Variants in ETNK1 observed in about 807,000 individuals in gnomAD.
ETNK1 encodes the protein ethanolamine kinase 1, also known as putative protein product of Nbla10396.
A neutral mutation model predicts 45.1 loss-of-function variants in ETNK1; 8 were observed. That is an observed-to-expected ratio of 0.18 (90% CI 0.10 to 0.32). The LOEUF (loss-of-function observed/expected upper bound fraction) is 0.32, where lower values mean the gene tolerates loss of function less well. Among genes scored for constraint, ETNK1 ranks in the 10% least tolerant of loss-of-function variants. ETNK1 has a pLI of 1.00. For missense variants in ETNK1, 302 were observed against 430.6 expected, an observed-to-expected ratio of 0.70 and a Z score of 2.64; for synonymous variants, 152 against 151.9, an observed-to-expected ratio of 1.00 and a Z score of -0.01.
chr12:22,642,265 A>G (rs1953749523), intron 1 of ETNK1, among the ~76,000 whole-genome samples: 1 of 152,078 alleles, frequency 6.6e-6, no homozygotes, highest in Non-Finnish European at 1.5e-5. Flanking sequence ...AAGTTACAGA[A>G]CAGCATGTGT....
intron 1 of ETNK1, among the ~76,000 whole-genome samples, chr12:22,639,949 A>C (rs975835972): frequency 6.6e-6 from 1 of 152,108 alleles, no homozygotes; most frequent in Admixed American, 6.6e-5. Flanking sequence ...CATTAATTAG[A>C]TCGGTTTGGA....
chr12:22,659,304 T>A, intron 3 of ETNK1, 150 bp downstream of exon 3: 1 of 829,964 alleles, frequency 1.2e-6, no homozygotes, highest in Non-Finnish European at 1.8e-6. Context: ...GGCTGTCAGA[T>A]AGCACTACAG....
At chr12:22,636,267 A>G (rs1168852028) in intron 1 of ETNK1, among the ~76,000 whole-genome samples, 2 of 152,202 alleles carry the variant, frequency 1.3e-5, no homozygotes, top group Non-Finnish European at 1.5e-5. Context: ...TTACTACATA[A>G]TGATTTTTCT....
intron 6 of ETNK1, among the ~76,000 whole-genome samples, chr12:22,679,000 C>G (rs775262587): frequency 9.2e-5 from 14 of 152,258 alleles, no homozygotes; most frequent in Middle Eastern, 3.4e-3. Context: ...AGGAGTTCAC[C>G]CCAAGTACTC....
intron 4 of ETNK1, 159 bp downstream of exon 4, chr12:22,661,364 T>G (rs1953997860): frequency 2.4e-6 from 1 of 420,406 alleles, no homozygotes; most frequent in South Asian, 8.6e-5. Context: ...ATGGTAACTG[T>G]GAAATTTAGG....
intron 1 of ETNK1, among the ~76,000 whole-genome samples, chr12:22,633,643 G>A (rs1014930066): frequency 3.3e-5 from 5 of 152,196 alleles, no homozygotes; most frequent in African/African-American, 7.2e-5. Context: ...TTGGGGAGAA[G>A]TGAATTCTTT....
chr12:22,633,720 A>G (rs1490828457), intron 1 of ETNK1, among the ~76,000 whole-genome samples: 1 of 152,036 alleles, frequency 6.6e-6, no homozygotes, highest in East Asian at 1.9e-4. Flanking sequence ...CACTGTGGAG[A>G]TCTCACGTGT....
In ETNK1 at chr12:22,673,866, C is replaced by T. The variant is rs374960062; in HGVS notation, c.945+206C>T. Among the ~76,000 whole-genome samples, 35 of 152,294 alleles carry T rather than the reference C, an allele frequency of 2.3e-4. No individual in the cohort carries two copies. The East Asian group carries it at 6.4e-3, about 28-fold the overall frequency. ...TTTGTTTCATTTCCTGCTATATCCC[C>T]ATCCCCTAGAACAATGCCTGGCCAT... On this transcript the variant is annotated intron_variant, in intron 6 of 7. Transcript: ENST00000266517.
chr12:22,682,140 T>C (rs986426777), intron 6 of ETNK1: 3 of 189,970 alleles, frequency 1.6e-5, no homozygotes, highest in African/African-American at 7.1e-5. Context: ...TTCCAAATGT[T>C]GACACATCTC....
At chr12:22,637,517 G>A (rs1953670974) in intron 1 of ETNK1, among the ~76,000 whole-genome samples, 1 of 152,190 alleles carries the variant, frequency 6.6e-6, no homozygotes. Context: ...AGGGCAAGAT[G>A]GTGGTAGTGT....
intron 2 of ETNK1, among the ~76,000 whole-genome samples, chr12:22,648,240 T>C (rs1953831784): frequency 6.6e-6 from 1 of 151,894 alleles, no homozygotes; most frequent in Admixed American, 6.6e-5. Flanking sequence ...GTCCACAGTT[T>C]ACATTAGCGT....
At position 22,625,520 on chromosome 12, in the gene ETNK1, G is replaced by T; in HGVS notation, c.90G>T (p.Arg30=). ...TVQDQEEHRC[R]EGALSLLQHL... ...AGGATCAGGAGGAGCATCGCTGCCG[G>T]GAGGGGGCCCTGAGCCTCCTGCAAC... The change falls in exon 1 of 8, where the codon CGG becomes CGT. Residue 30 remains arginine, a synonymous_variant. Coordinates refer to ENST00000266517, the MANE Select transcript of ETNK1 (RefSeq NM_018638.5). 6.2e-7 allele frequency: 1 copy of T among 1,606,620 alleles called. No homozygotes were observed. The highest frequency in any genetic ancestry group is 1.1e-5 in the South Asian group (1 of 89,932).
chr12:22,680,572 T>C (rs1954204584), intron 6 of ETNK1, among the ~76,000 whole-genome samples: 1 of 152,202 alleles, frequency 6.6e-6, no homozygotes, highest in African/African-American at 2.4e-5. Flanking sequence ...CTGGAATGCC[T>C]TTTACCCTGC....
intron 1 of ETNK1, among the ~76,000 whole-genome samples, chr12:22,630,519 A>G (rs1159621691): frequency 6.6e-6 from 1 of 152,202 alleles, no homozygotes; most frequent in Non-Finnish European, 1.5e-5. Flanking sequence ...AAACTATCTC[A>G]CAAAGGCAAT....
intron 4 of ETNK1, among the ~76,000 whole-genome samples, chr12:22,661,797 T>C (rs1475070028): frequency 1.3e-5 from 2 of 152,206 alleles, no homozygotes; most frequent in Non-Finnish European, 2.9e-5. Context: ...TCAACATTTT[T>C]TGAGGTAGAC....
chr12:22,636,465 T>A (rs1210818622), intron 1 of ETNK1, among the ~76,000 whole-genome samples: 1 of 152,250 alleles, frequency 6.6e-6, no homozygotes, highest in Non-Finnish European at 1.5e-5. Context: ...TTAGAATTTT[T>A]ATATCTTCTT....
chr12:22,638,427 T>G (rs1180366938), intron 1 of ETNK1: 2 of 152,150 alleles, frequency 1.3e-5, no homozygotes, highest in African/African-American at 4.8e-5. Context: ...AATTTTTGTA[T>G]TTTTAGTAGA....
At chr12:22,637,542 T>C (rs1762412926) in intron 1 of ETNK1, among the ~76,000 whole-genome samples, 1 of 152,240 alleles carries the variant, frequency 6.6e-6, no homozygotes, top group South Asian at 2.1e-4. Flanking sequence ...TATGTGCACA[T>C]GTGCCTTTGT....
At chr12:22,663,652 C>T (rs1565445491) in intron 4 of ETNK1, among the ~76,000 whole-genome samples, 1 of 152,118 alleles carries the variant, frequency 6.6e-6, no homozygotes, top group Non-Finnish European at 1.5e-5. Flanking sequence ...GCAAGGTTGT[C>T]ATTTGTTTTT....
Sources: allele counts gnomAD v4.1 joint callset (sites outside exome capture counted in the v4.1 genomes callset), GRCh38; gene constraint gnomAD v4.1.1; transcripts MANE v1.5; gene names NCBI Gene and HGNC (gene_info 2026-07-23, HGNC 2026-07-21).